CACNA1H: variants seen among roughly 807,000 people sequenced by gnomAD.
CACNA1H encodes the protein voltage-dependent T-type calcium channel subunit alpha-1H.
Under a neutral mutation model 192.5 loss-of-function variants are expected in CACNA1H, and 149 were observed. The observed-to-expected ratio is 0.77, with a 90% CI of 0.68 to 0.89. CACNA1H has a LOEUF of 0.89. Ranked by LOEUF, CACNA1H falls within the 40% of genes least tolerant of loss-of-function variation. The pLI, the probability that CACNA1H is intolerant of heterozygous loss-of-function variation, is 0.00. For synonymous variants in CACNA1H, 2,202 were observed against 1,475.2 expected (o/e 1.49, Z -11.29); for missense variants, 4,257 against 3,423.5 (o/e 1.24, Z -6.08).
rs983851109 is a variant in CACNA1H at position 1,210,906 on chromosome 16, T to C, written c.4158T>C (p.Ala1386=). Residue 1386 remains alanine (A), a synonymous_variant, in exon 21 of 35, where the codon GCT becomes GCC. Transcript: ENST00000348261. The part of the protein sequence containing the change: ...LVDIVVAMAS[A]GGAKILGVLR... ...ACATTGTCGTGGCCATGGCCTCGGC[T>C]GGTGGCGCCAAGATCCTGGGTGTTC... is the stretch of plus-strand genomic sequence containing the variant. 2 of 1,604,162 alleles carry C rather than the reference T, an allele frequency of 1.2e-6. No individual in the cohort carries two copies. The highest frequency in any genetic ancestry group is 3.3e-5 in the Admixed American group (2 of 60,022).
chr16:1,219,625 G>A (rs74473717), intron 34 of CACNA1H, among the ~76,000 whole-genome samples: 31 of 152,214 alleles, frequency 2.0e-4, no homozygotes, highest in Non-Finnish European at 3.8e-4. Flanking sequence ...AGTACAAGAC[G>A]CCTGTACCGC....
At chr16:1,209,970 A>C in intron 17 of CACNA1H, 65 bp from the exon 18 acceptor site, 28 of 1,214,756 alleles carry the variant, frequency 2.3e-5, no homozygotes, top group Non-Finnish European at 3.2e-5. Flanking sequence ...CTGAGCACAG[A>C]GGGCCCTGAT....
At chr16:1,158,896 G>A (rs1214111322) in intron 2 of CACNA1H, among the ~76,000 whole-genome samples, 1 of 151,444 alleles carries the variant, frequency 6.6e-6, no homozygotes, top group South Asian at 2.1e-4. Context: ...CGCTCAGCCC[G>A]CACCCCTGGC....
chr16:1,173,622 T>C (rs1384218059), intron 2 of CACNA1H, among the ~76,000 whole-genome samples: 1 of 152,272 alleles, frequency 6.6e-6, no homozygotes, highest in Non-Finnish European at 1.5e-5. Flanking sequence ...AGAGGGGCTG[T>C]GTTTTGCAGT....
chr16:1,211,407 C>G, intron 22 of CACNA1H, 74 bp from the exon 23 acceptor site: 1 of 1,607,506 alleles, frequency 6.2e-7, no homozygotes, highest in Non-Finnish European at 8.5e-7. Flanking sequence ...TCGGGCCTCA[C>G]TCGCGCCCCA....
At chr16:1,218,728 G>A in intron 33 of CACNA1H, 77 bp downstream of exon 33, 4 of 1,328,040 alleles carry the variant, frequency 3.0e-6, no homozygotes, top group Non-Finnish European at 4.1e-6. Flanking sequence ...TGGGAGGGAG[G>A]ATGGGGTCAG....
rs778353211 is a variant in CACNA1H, at chr16:1,215,561, C to T, written c.5212C>T (p.Leu1738=). 3.1e-6 allele frequency: 5 copies of T among 1,611,850 alleles called. No individual in the cohort carries two copies. Among genetic ancestry groups the T allele is most frequent in the Non-Finnish European group, 8.5e-7 (1 of 1,179,572 alleles). Residue 1738 remains leucine, a synonymous_variant, in exon 30 of 35, where the codon CTG becomes TTG. Transcript: ENST00000348261. ...GAAGATGGCTACGGGCATGCGCGCC[C>T]TGCTGGACACTGTGGTGCAAGCTCT... The part of the protein sequence containing the change: ...LLKMATGMRA[L]LDTVVQALPQ...
At chr16:1,206,909 T>TCCCCCC in intron 12 of CACNA1H, 92 bp from the exon 13 acceptor site, 1 of 116,612 alleles carries the variant, frequency 8.6e-6, no homozygotes. Context: ...GTCCTGCCCC[T>TCCCCCC]CCCTCCTCCC....
At chr16:1,182,811 C>T (rs897844434) in intron 2 of CACNA1H, among the ~76,000 whole-genome samples, 1 of 152,164 alleles carries the variant, frequency 6.6e-6, no homozygotes, top group African/African-American at 2.4e-5. Flanking sequence ...CCTGGCCCTC[C>T]TCTGACGTTG....
intron 2 of CACNA1H, among the ~76,000 whole-genome samples, chr16:1,166,068 G>A (rs1264476095): frequency 6.6e-6 from 1 of 152,234 alleles, no homozygotes; most frequent in Admixed American, 6.5e-5. Context: ...GGAATTGGGT[G>A]ACTCTGAGAG....
At chr16:1,213,061 G>A (rs1327745627) in intron 26 of CACNA1H, among the ~76,000 whole-genome samples, 1 of 152,240 alleles carries the variant, frequency 6.6e-6, no homozygotes, top group East Asian at 1.9e-4. Flanking sequence ...ACGTGGAGGG[G>A]CCCTGGAGGC....
intron 2 of CACNA1H, among the ~76,000 whole-genome samples, chr16:1,165,382 C>T (rs1204122508): frequency 6.6e-6 from 1 of 152,206 alleles, no homozygotes; most frequent in Non-Finnish European, 1.5e-5. Context: ...TCTTTCGTGA[C>T]AGCACAGAGT....
intron 2 of CACNA1H, among the ~76,000 whole-genome samples, chr16:1,172,188 C>T (rs1051782743): frequency 2.6e-5 from 4 of 152,314 alleles, no homozygotes; most frequent in East Asian, 3.9e-4. Flanking sequence ...CTGCGTGCCT[C>T]GATCCGGCTG....
rs61747533 is a variant in CACNA1H, at chr16:1,206,122, G to T, written c.2622G>T (p.Gly874=). ...IVVISVWEIV[G]QADGGLSVLR... ...TCCGCAGCGTCTGGGAGATCGTGGG[G>T]CAGGCGGACGGTGGCTTGTCTGTGC... is the stretch of plus-strand genomic sequence containing the variant. The change falls in exon 12 of 35, where the codon GGG becomes GGT. Residue 874 remains glycine (G), a synonymous_variant. Transcript: ENST00000348261. The T allele has an allele frequency of 1.5e-4, 230 of 1,582,992 alleles. 1 individual carries two copies. The highest frequency in any genetic ancestry group is 4.0e-5 in the Non-Finnish European group (47 of 1,167,556).
chr16:1,200,204 AC>A, intron 6 of CACNA1H, 51 bp from the exon 7 acceptor site: 1 of 1,459,346 alleles, frequency 6.9e-7, no homozygotes, highest in Admixed American at 2.2e-5. Flanking sequence ...CCCGACTCTG[AC>A]CGTCCCTGAC....
Position 1,200,757 on chromosome 16 carries a change from C to G in CACNA1H, c.1161C>G (p.Val387=). 2 of 1,557,152 alleles carry G rather than the reference C, an allele frequency of 1.3e-6. No homozygotes were observed. Among genetic ancestry groups the G allele is most frequent in the Middle Eastern group, 1.7e-4 (1 of 5,978 alleles). ...GCTGGGTGGACATCATGTACTACGT[C>G]ATGGACGCCCACTCATTCTACAACT... ...LEGWVDIMYY[V]MDAHSFYNFI... Residue 387 remains valine (V), a synonymous_variant, in exon 8 of 35, where the codon GTC becomes GTG. Transcript: ENST00000348261.
Position 1,207,127 on chromosome 16 carries a change from C to A in CACNA1H, c.2907+9C>A. On this transcript the variant is annotated intron_variant, in intron 13 of 34. Coordinates refer to ENST00000348261, the MANE Select transcript of CACNA1H (RefSeq NM_021098.3). The stretch of plus-strand genomic sequence containing the variant: ...TCGTCACCGTGTTCCAGGTAGTGCC[C>A]GGGGTCCCCGCAGCAGTGTTGGGTG... The A allele has an allele frequency of 6.4e-7, 1 of 1,574,334 alleles. No homozygotes were observed. The highest frequency in any genetic ancestry group is 8.6e-7 in the Non-Finnish European group (1 of 1,158,948).
chr16:1,210,008 C>CT (rs1446744549), intron 17 of CACNA1H, 27 bp from the exon 18 acceptor site: 41 of 1,528,504 alleles, frequency 2.7e-5, no homozygotes, highest in Non-Finnish European at 3.4e-5. Context: ...GGCGCAGGCT[C>CT]TGAGAAGCCG....
intron 6 of CACNA1H, 56 bp downstream of exon 6, chr16:1,198,830 A>G (rs892192513): frequency 6.5e-7 from 1 of 1,529,968 alleles, no homozygotes; most frequent in Middle Eastern, 1.7e-4. Flanking sequence ...CCCACCATGC[A>G]GATAACGCAC....
Sources: allele counts gnomAD v4.1 joint callset (sites outside exome capture counted in the v4.1 genomes callset), GRCh38; gene constraint gnomAD v4.1.1; transcripts MANE v1.5; gene names NCBI Gene and HGNC (gene_info 2026-07-23, HGNC 2026-07-21).